Variants in PDZD2 observed in about 807,000 individuals in gnomAD.
The protein encoded by PDZD2 is PDZ domain-containing protein 2.
A neutral mutation model predicts 220.7 loss-of-function variants in PDZD2; 90 were observed. The ratio of observed to expected loss-of-function variants is 0.41; its 90% CI spans 0.34 to 0.49. The LOEUF is 0.49. PDZD2 is among the 20% of genes least tolerant of loss of function. The pLI, the probability that PDZD2 is intolerant of heterozygous loss-of-function variation, is 0.28. For missense variants in PDZD2, 3,174 were observed against 3,608.5 expected, an observed-to-expected ratio of 0.88 and a Z score of 3.08; for synonymous variants, 1,375 against 1,450.5, an observed-to-expected ratio of 0.95 and a Z score of 1.18.
Position 32,072,298 on chromosome 5 carries a change from C to T in PDZD2, c.2706C>T (p.Ser902=). 6.2e-7 allele frequency: 1 copy of T among 1,613,048 alleles called. No individual in the cohort carries two copies. Among genetic ancestry groups the T allele is most frequent in the Non-Finnish European group, 8.5e-7 (1 of 1,179,424 alleles). The part of the protein sequence containing the change: ...GSGCSTSEEG[S]LPPSTSTHKE... ...GCTGCAGCACGTCGGAGGAGGGCAG[C>T]CTGCCTCCCAGCACCTCCAGTAAGC... The change falls in exon 17 of 25, where the codon AGC becomes AGT. Residue 902 remains serine (S), a synonymous_variant. Transcript: ENST00000438447.
At chr5:31,701,680 C>T (rs1282356478) in intron 1 of PDZD2, among the ~76,000 whole-genome samples, 2 of 152,198 alleles carry the variant, frequency 1.3e-5, no homozygotes, top group Admixed American at 6.5e-5. Context: ...GACCAGTCCC[C>T]GAGGCAGCTT....
At chr5:31,907,911 C>A (rs557721024) in intron 2 of PDZD2, among the ~76,000 whole-genome samples, 23 of 151,756 alleles carry the variant, frequency 1.5e-4, no homozygotes, top group Non-Finnish European at 2.9e-4. Context: ...GGTGAAACCC[C>A]GTCTTTACTA....
chr5:31,776,423 C>A (rs1752646751), intron 1 of PDZD2, among the ~76,000 whole-genome samples: 1 of 151,946 alleles, frequency 6.6e-6, no homozygotes, highest in Non-Finnish European at 1.5e-5. Flanking sequence ...CGGGTCCCTA[C>A]CCTACTCCCC....
intron 15 of PDZD2, among the ~76,000 whole-genome samples, chr5:32,070,188 G>A (rs980389234): frequency 4.6e-5 from 7 of 152,146 alleles, no homozygotes; most frequent in African/African-American, 1.2e-4. Flanking sequence ...GTTTCCTTTA[G>A]CATGGAAGCC....
At chr5:31,666,653 G>A (rs551606493) in intron 1 of PDZD2, among the ~76,000 whole-genome samples, 12 of 152,278 alleles carry the variant, frequency 7.9e-5, no homozygotes, top group Admixed American at 2.0e-4. Flanking sequence ...GAATACAGTC[G>A]GTTTCTCTTA....
chr5:31,673,976 A>T (rs577188071), intron 1 of PDZD2, among the ~76,000 whole-genome samples: 1 of 152,344 alleles, frequency 6.6e-6, no homozygotes, highest in African/African-American at 2.4e-5. Flanking sequence ...GTATCAAAAA[A>T]AAGAGAAAAG....
At chr5:31,782,900 G>A (rs1282245813) in intron 1 of PDZD2, among the ~76,000 whole-genome samples, 1 of 151,738 alleles carries the variant, frequency 6.6e-6, no homozygotes, top group Non-Finnish European at 1.5e-5. Flanking sequence ...TTTTAGTAGA[G>A]ACGGGGTTTC....
At chr5:31,797,568 T>C (rs893783435) in intron 1 of PDZD2, among the ~76,000 whole-genome samples, 17 of 151,870 alleles carry the variant, frequency 1.1e-4, no homozygotes, top group African/African-American at 3.9e-4. Context: ...CTCCTGACCT[T>C]GCGATCCTCC....
rs574347705 is a variant in PDZD2 at position 32,012,528 on chromosome 5, C to T, written c.1407+2046C>T. 1.1e-4 allele frequency among the ~76,000 whole-genome samples: 16 copies of T among 152,084 alleles called. No homozygotes were observed. The South Asian group carries it at 2.1e-3, about 20-fold the overall frequency. ...CCTCCCGAGTAGCTGGGACTACAGA[C>T]GCACGCCACCGCGCTTGGCTAATTT... is the stretch of plus-strand genomic sequence containing the variant. On this transcript the variant is annotated intron_variant, in intron 6 of 24. Coordinates refer to ENST00000438447, the MANE Select transcript of PDZD2 (RefSeq NM_178140.4).
At chr5:31,831,603 C>T (rs1756593843) in intron 2 of PDZD2, among the ~76,000 whole-genome samples, 2 of 152,108 alleles carry the variant, frequency 1.3e-5, no homozygotes, top group African/African-American at 4.8e-5. Context: ...CAAAAATTAG[C>T]TGGGCATGGT....
At chr5:31,644,949 G>A (rs1326471775) in intron 1 of PDZD2, among the ~76,000 whole-genome samples, 20 of 152,190 alleles carry the variant, frequency 1.3e-4, no homozygotes, top group Admixed American at 1.3e-3. Flanking sequence ...AGCATTGGGG[G>A]AACCGACTTC....
intron 1 of PDZD2, among the ~76,000 whole-genome samples, chr5:31,793,159 G>A (rs1298447756): frequency 6.6e-6 from 1 of 150,984 alleles, no homozygotes; most frequent in African/African-American, 2.4e-5. Context: ...ATTTAGAACA[G>A]TGTCTCACAC....
intron 1 of PDZD2, among the ~76,000 whole-genome samples, chr5:31,721,189 A>G (rs1748767924): frequency 6.6e-6 from 1 of 152,186 alleles, no homozygotes; most frequent in Non-Finnish European, 1.5e-5. Flanking sequence ...GCAAGAGAGG[A>G]GCAGCTTAGA....
At chr5:32,049,730 G>A (rs928808264) in intron 8 of PDZD2, among the ~76,000 whole-genome samples, 4 of 152,172 alleles carry the variant, frequency 2.6e-5, no homozygotes, top group Non-Finnish European at 5.9e-5. Context: ...ATGTTTCAGG[G>A]ACAATTGCTC....
chr5:31,976,575 GAAGTA>G (rs1749783155), intron 2 of PDZD2, among the ~76,000 whole-genome samples: 1 of 152,186 alleles, frequency 6.6e-6, no homozygotes. Context: ...ATACTCAGAT[GAAGTA>G]AGAGTGCCTG....
At chr5:32,012,834 TTTTA>T (rs773141478) in intron 6 of PDZD2, among the ~76,000 whole-genome samples, 4 of 151,670 alleles carry the variant, frequency 2.6e-5, no homozygotes, top group Middle Eastern at 3.2e-3. Flanking sequence ...TATAATGTAT[TTTTA>T]TTTAAGTTAT....
intron 2 of PDZD2, among the ~76,000 whole-genome samples, chr5:31,834,463 C>T (rs1355194216): frequency 6.6e-6 from 1 of 152,066 alleles, no homozygotes; most frequent in Non-Finnish European, 1.5e-5. Flanking sequence ...GAACACTCTT[C>T]CCCCCAAAAT....
intron 2 of PDZD2, among the ~76,000 whole-genome samples, chr5:31,901,200 T>C (rs1225066122): frequency 6.6e-6 from 1 of 152,092 alleles, no homozygotes; most frequent in Non-Finnish European, 1.5e-5. Flanking sequence ...GGCAGTTCAC[T>C]TAAGGTCAGG....
chr5:32,041,064 G>T (rs541328574), intron 7 of PDZD2, among the ~76,000 whole-genome samples: 1 of 144,744 alleles, frequency 6.9e-6, no homozygotes. Context: ...CGTCTGGGAA[G>T]TGGGGAGCGC....
Sources: gnomAD v4.1 joint callset for allele counts (sites outside exome capture counted in the v4.1 genomes callset) on GRCh38, gnomAD v4.1.1 for gene constraint, MANE v1.5 for transcripts, NCBI Gene and HGNC (gene_info 2026-07-23, HGNC 2026-07-21) for gene names.